Variants in CNTN5 observed in about 807,000 individuals in gnomAD.
CNTN5 encodes contactin 5.
Under a neutral mutation model 129.1 loss-of-function variants are expected in CNTN5, and 77 were observed. The ratio of observed to expected loss-of-function variants is 0.60; its 90% CI spans 0.50 to 0.72. The LOEUF is 0.72. Among genes scored for constraint, CNTN5 ranks in the 30% least tolerant of loss-of-function variants. CNTN5 has a pLI of 0.00. For missense variants in CNTN5, 1,478 were observed against 1,328.8 expected (o/e 1.11, Z -1.75); for synonymous variants, 509 against 465.6 (o/e 1.09, Z -1.20).
chr11:99,314,843 T>C (rs1305156226), intron 1 of CNTN5, among the ~76,000 whole-genome samples: 3 of 146,786 alleles, frequency 2.0e-5, no homozygotes, highest in African/African-American at 7.4e-5. Flanking sequence ...GTGAAAAAGA[T>C]ATAGTGGGAA....
intron 6 of CNTN5, among the ~76,000 whole-genome samples, chr11:99,892,792 G>T (rs979232161): frequency 1.3e-5 from 2 of 152,092 alleles, no homozygotes; most frequent in Admixed American, 6.6e-5. Context: ...TTTTGCTTAG[G>T]ATTGCCTTGG....
chr11:100,236,381 C>A (rs1012153354), intron 16 of CNTN5, among the ~76,000 whole-genome samples: 1 of 152,138 alleles, frequency 6.6e-6, no homozygotes, highest in African/African-American at 2.4e-5. Flanking sequence ...GCTGGCCCCT[C>A]ATGAAGTTTC....
rs560329608 is a variant in CNTN5, at chr11:99,953,823, C to T, written c.674-2983C>T. Among the ~76,000 whole-genome samples, 176 of 152,288 alleles carry T rather than the reference C, an allele frequency of 1.2e-3. 1 individual carries two copies. Among genetic ancestry groups the T allele is most frequent in the African/African-American group, 4.2e-3 (173 of 41,576 alleles). On this transcript the variant is annotated intron_variant, in intron 7 of 24. Transcript: ENST00000524871. ...TTTGTGGCCCAAATGCGTATTACCA[C>T]ATAGTATCAAAAATATGCGATTGAA...
At chr11:99,096,606 T>C (rs1866476858) in intron 1 of CNTN5, among the ~76,000 whole-genome samples, 2 of 151,860 alleles carry the variant, frequency 1.3e-5, no homozygotes, top group Admixed American at 1.3e-4. Flanking sequence ...TGTTAATATT[T>C]TAATGACTTT....
At chr11:99,382,655 C>A (rs1057422034) in intron 2 of CNTN5, among the ~76,000 whole-genome samples, 1 of 151,910 alleles carries the variant, frequency 6.6e-6, no homozygotes, top group Non-Finnish European at 1.5e-5. Flanking sequence ...GACTTGAACT[C>A]CTGAGACTTA....
intron 9 of CNTN5, among the ~76,000 whole-genome samples, chr11:100,026,960 T>C (rs1941452243): frequency 6.6e-6 from 1 of 152,112 alleles, no homozygotes; most frequent in Admixed American, 6.5e-5. Flanking sequence ...AAAACCAAGA[T>C]CATCTTGATT....
chr11:99,859,412 G>T (rs1183958407), intron 6 of CNTN5, among the ~76,000 whole-genome samples: 1 of 152,142 alleles, frequency 6.6e-6, no homozygotes, highest in Non-Finnish European at 1.5e-5. Flanking sequence ...TGTTACCTGG[G>T]TACATTGCAT....
chr11:99,382,231 C>G (rs972889572), intron 2 of CNTN5, among the ~76,000 whole-genome samples: 1 of 152,020 alleles, frequency 6.6e-6, no homozygotes, highest in Non-Finnish European at 1.5e-5. Context: ...AAGTTGTACC[C>G]TAGAGGAAGC....
At chr11:99,078,885 C>T (rs1195339139) in intron 1 of CNTN5, among the ~76,000 whole-genome samples, 1 of 151,752 alleles carries the variant, frequency 6.6e-6, no homozygotes, top group African/African-American at 2.4e-5. Context: ...AATAGCACAA[C>T]AGGGTGATTA....
intron 13 of CNTN5, among the ~76,000 whole-genome samples, chr11:100,158,155 G>A (rs552345034): frequency 2.2e-4 from 34 of 151,864 alleles, no homozygotes; most frequent in African/African-American, 8.0e-4. Context: ...AAGATGAGTT[G>A]TTTGAACTAC....
At chr11:99,534,709 A>T (rs1357215555) in intron 2 of CNTN5, among the ~76,000 whole-genome samples, 1 of 152,156 alleles carries the variant, frequency 6.6e-6, no homozygotes, top group Non-Finnish European at 1.5e-5. Context: ...ATCACCCTGT[A>T]ATCACACTAA....
chr11:99,124,480 T>G (rs943137116), intron 1 of CNTN5, among the ~76,000 whole-genome samples: 10 of 151,820 alleles, frequency 6.6e-5, no homozygotes. Context: ...CAAACAGGGA[T>G]GTATATAGCA....
intron 1 of CNTN5, among the ~76,000 whole-genome samples, chr11:99,154,698 T>C (rs1258506159): frequency 1.3e-5 from 2 of 152,100 alleles, no homozygotes; most frequent in Admixed American, 1.3e-4. Flanking sequence ...TCTGCTGTAA[T>C]AGGTGCTCCG....
chr11:100,042,282 A>G (rs562323608), intron 9 of CNTN5, among the ~76,000 whole-genome samples: 32 of 152,040 alleles, frequency 2.1e-4, no homozygotes, highest in African/African-American at 6.7e-4. Context: ...CTTTGTCTCA[A>G]TAGCTTTTCT....
chr11:100,317,195 CT>C (rs1234371067), intron 21 of CNTN5, among the ~76,000 whole-genome samples: 1 of 152,118 alleles, frequency 6.6e-6, no homozygotes, highest in African/African-American at 2.4e-5. Context: ...TGATCTGACT[CT>C]AATCATTAGA....
intron 9 of CNTN5, among the ~76,000 whole-genome samples, chr11:100,011,337 C>T (rs1165920679): frequency 6.6e-6 from 1 of 152,096 alleles, no homozygotes; most frequent in Non-Finnish European, 1.5e-5. Flanking sequence ...CAAGGGCAAA[C>T]AGGGTTACTC....
intron 2 of CNTN5, among the ~76,000 whole-genome samples, chr11:99,499,106 T>G (rs563316747): frequency 1.4e-4 from 21 of 152,308 alleles, no homozygotes; most frequent in African/African-American, 4.8e-4. Flanking sequence ...TTTTGGTCAG[T>G]GATATCATAT....
At position 100,358,181 on chromosome 11, in the gene CNTN5, C is replaced by A. The variant is rs551355434; in HGVS notation, c.*1961C>A. 2.6e-5 allele frequency: 4 copies of A among 151,936 alleles called. No homozygotes were observed. In the East Asian group the frequency reaches 7.7e-4, roughly 29 times the overall value. The allele number at this position is 151,936 out of a possible 1,614,324, so 9.4% of individuals were successfully genotyped here. A position where few individuals can be genotyped will look rare whatever the true frequency, so the allele number is the denominator to read the frequency against. ...AATTTTACGTATTTCATGAATCAAG[C>A]CATTTTCTTCATTTTCCATGGTGGT... On this transcript the variant is annotated 3_prime_UTR_variant, in exon 25 of 25. Coordinates refer to ENST00000524871, the MANE Select transcript of CNTN5 (RefSeq NM_014361.4).
At chr11:99,672,002 T>C (rs1411760548) in intron 3 of CNTN5, among the ~76,000 whole-genome samples, 2 of 152,178 alleles carry the variant, frequency 1.3e-5, no homozygotes, top group African/African-American at 4.8e-5. Context: ...TCTCCAAATG[T>C]GCTGTGTCAT....
Sources: allele counts gnomAD v4.1 joint callset (sites outside exome capture counted in the v4.1 genomes callset), GRCh38; gene constraint gnomAD v4.1.1; transcripts MANE v1.5; gene names NCBI Gene and HGNC (gene_info 2026-07-23, HGNC 2026-07-21).